PSMB7: variants seen among roughly 807,000 people sequenced by gnomAD.
PSMB7 encodes proteasome subunit beta type-7.
In PSMB7, 5 loss-of-function variants were observed where a neutral mutation model predicts 28.1. The observed-to-expected ratio is 0.18, with a 90% CI of 0.09 to 0.37. The LOEUF (loss-of-function observed/expected upper bound fraction) is 0.37. Ranked by LOEUF, PSMB7 falls within the 10% of genes least tolerant of loss-of-function variation. The probability of loss-of-function intolerance (pLI) is 1.00; values close to 1 mark genes in which losing one functional copy is unlikely to be tolerated. For synonymous variants in PSMB7, 122 were observed against 123.7 expected (o/e 0.99, Z 0.09); for missense variants, 275 against 346.2 (o/e 0.79, Z 1.63).
At chr9:124,398,422 T>G in intron 5 of PSMB7, 1 of 319,790 alleles carries the variant, frequency 3.1e-6, no homozygotes, top group Non-Finnish European at 6.5e-6. Flanking sequence ...CCCAGGCGAG[T>G]ACAAAACCGT....
At chr9:124,411,331 G>GA (rs1259174939) in intron 4 of PSMB7, among the ~76,000 whole-genome samples, 1 of 151,890 alleles carries the variant, frequency 6.6e-6, no homozygotes, top group African/African-American at 2.4e-5. Context: ...TATTTAAAAA[G>GA]AAAAAAAGGC....
At chr9:124,354,683 A>C (rs897478196) in intron 7 of PSMB7, among the ~76,000 whole-genome samples, 2 of 152,142 alleles carry the variant, frequency 1.3e-5, no homozygotes, top group African/African-American at 4.8e-5. Flanking sequence ...CACCCTCTTA[A>C]AGAATCCAAG....
At chr9:124,381,423 CT>C (rs1358886877) in intron 6 of PSMB7, among the ~76,000 whole-genome samples, 1 of 152,190 alleles carries the variant, frequency 6.6e-6, no homozygotes, top group Non-Finnish European at 1.5e-5. Flanking sequence ...AAGCAATTCT[CT>C]GTGAGTGAGT....
chr9:124,360,025 G>A (rs1830451553), intron 6 of PSMB7, among the ~76,000 whole-genome samples: 2 of 152,100 alleles, frequency 1.3e-5, no homozygotes, highest in African/African-American at 4.8e-5. Context: ...CACCTATAGG[G>A]ACCTACTATG....
intron 5 of PSMB7, among the ~76,000 whole-genome samples, chr9:124,386,621 G>A (rs1830722858): frequency 1.3e-5 from 2 of 152,120 alleles, no homozygotes; most frequent in Admixed American, 1.3e-4. Context: ...ATATCTCCAC[G>A]AAGAACACAA....
chr9:124,377,399 T>A (rs1348298458), intron 6 of PSMB7, among the ~76,000 whole-genome samples: 1 of 152,204 alleles, frequency 6.6e-6, no homozygotes, highest in Non-Finnish European at 1.5e-5. Flanking sequence ...CACAATTTTT[T>A]AATCAAAATA....
chr9:124,405,265 C>A (rs1564686319), intron 5 of PSMB7, 52 bp downstream of exon 5: 5 of 1,261,844 alleles, frequency 4.0e-6, no homozygotes, highest in Non-Finnish European at 5.8e-6. Flanking sequence ...CTTCAAGAGA[C>A]CATCGTGGTA....
chr9:124,393,953 C>G (rs1437088997), intron 5 of PSMB7, among the ~76,000 whole-genome samples: 1 of 152,246 alleles, frequency 6.6e-6, no homozygotes, highest in Non-Finnish European at 1.5e-5. Context: ...CGAGGCCACA[C>G]CGGGAAACCG....
chr9:124,410,441 A>G (rs1043022030), intron 4 of PSMB7, among the ~76,000 whole-genome samples: 1 of 152,220 alleles, frequency 6.6e-6, no homozygotes, highest in Non-Finnish European at 1.5e-5. Context: ...CCTTTATTAC[A>G]TAGACACATC....
intron 6 of PSMB7, among the ~76,000 whole-genome samples, chr9:124,378,336 T>G (rs1830634128): frequency 6.6e-6 from 1 of 152,250 alleles, no homozygotes; most frequent in African/African-American, 2.4e-5. Flanking sequence ...CACGATGTGT[T>G]TGGTGACCAA....
chr9:124,366,635 C>T (rs1176561110), intron 6 of PSMB7, among the ~76,000 whole-genome samples: 1 of 152,206 alleles, frequency 6.6e-6, no homozygotes, highest in Non-Finnish European at 1.5e-5. Flanking sequence ...CACCCTAGGC[C>T]TTCACCTTCA....
intron 6 of PSMB7, among the ~76,000 whole-genome samples, chr9:124,365,210 A>G (rs957874554): frequency 6.6e-6 from 1 of 152,174 alleles, no homozygotes; most frequent in Non-Finnish European, 1.5e-5. Context: ...GAGCCTGCCC[A>G]TGAGAATTGT....
At chr9:124,395,103 G>C (rs957489483) in intron 5 of PSMB7, among the ~76,000 whole-genome samples, 1 of 152,104 alleles carries the variant, frequency 6.6e-6, no homozygotes, top group South Asian at 2.1e-4. Flanking sequence ...TTTATGTTTG[G>C]TATCTCACTT....
chr9:124,362,878 C>T (rs1830476291), intron 6 of PSMB7, among the ~76,000 whole-genome samples: 1 of 152,158 alleles, frequency 6.6e-6, no homozygotes, highest in Non-Finnish European at 1.5e-5. Flanking sequence ...AAAAAGAAGG[C>T]AATCCAAATG....
chr9:124,373,040 G>A (rs1398204717), intron 6 of PSMB7, among the ~76,000 whole-genome samples: 1 of 152,150 alleles, frequency 6.6e-6, no homozygotes, highest in East Asian at 1.9e-4. Flanking sequence ...CTCCAAAGCT[G>A]GCCACCAGTG....
At chr9:124,405,857 AT>A (rs1055396640) in intron 4 of PSMB7, among the ~76,000 whole-genome samples, 1 of 150,344 alleles carries the variant, frequency 6.7e-6, no homozygotes. Context: ...TAATTTTTGT[AT>A]TTTTTTTTGG....
rs1223515631 is a variant in PSMB7, at chr9:124,356,648, C to T, written c.722+116G>A. 8.1e-7 allele frequency: 1 copy of T among 1,229,722 alleles called. No homozygotes were observed. 76.2% of individuals were successfully genotyped at this position (1,229,722 alleles called of 1,614,324 possible). A position where few individuals can be genotyped will look rare whatever the true frequency, so the allele number is the denominator to read the frequency against. ...TCTGTGTGGGAGGTTGATTTGGGAA[C>T]ACTGGATGTACTTAATGTGGAAAGA... is the stretch of plus-strand genomic sequence containing the variant. On this transcript the variant is annotated intron_variant, in intron 7 of 7. Transcript: ENST00000259457. The surrounding 1 kb of genome is among the most constrained non-coding windows in gnomAD (Gnocchi z 4.4).
intron 6 of PSMB7, among the ~76,000 whole-genome samples, chr9:124,368,628 T>C (rs947092991): frequency 2.6e-5 from 4 of 152,196 alleles, no homozygotes; most frequent in Non-Finnish European, 4.4e-5. Flanking sequence ...CAAAAAGATA[T>C]CATTTAATTT....
At chr9:124,391,503 A>G (rs1329211273) in intron 5 of PSMB7, among the ~76,000 whole-genome samples, 3 of 152,140 alleles carry the variant, frequency 2.0e-5, no homozygotes, top group Admixed American at 1.3e-4. Flanking sequence ...GGATATAGTT[A>G]ATTTGTGTTG....
Sources: allele counts gnomAD v4.1 joint callset (sites outside exome capture counted in the v4.1 genomes callset), GRCh38; gene constraint gnomAD v4.1.1; non-coding constraint Gnocchi (gnomAD v3.1); transcripts MANE v1.5; gene names NCBI Gene and HGNC (gene_info 2026-07-23, HGNC 2026-07-21).